The following P3H2 variants were observed in gnomAD, a reference collection of about 807,000 sequenced individuals.
P3H2 encodes the protein leprecan-like 1.
Under a neutral mutation model 87.0 loss-of-function variants are expected in P3H2, and 80 were observed. The ratio of observed to expected loss-of-function variants is 0.92; its 90% CI spans 0.77 to 1.11. The LOEUF is 1.11. Among genes scored for constraint, P3H2 ranks in the 50% least tolerant of loss-of-function variants. P3H2 has a pLI of 0.00. For synonymous variants in P3H2, 367 were observed against 359.3 expected, an observed-to-expected ratio of 1.02 and a Z score of -0.24; for missense variants, 1,001 against 923.9, an observed-to-expected ratio of 1.08 and a Z score of -1.08.
intron 1 of P3H2, among the ~76,000 whole-genome samples, chr3:190,118,137 G>T (rs189732134): frequency 1.3e-5 from 2 of 152,124 alleles, no homozygotes; most frequent in Non-Finnish European, 2.9e-5. Flanking sequence ...CCAGGGAACC[G>T]GAGGGGAAAT....
intron 1 of P3H2, among the ~76,000 whole-genome samples, chr3:190,057,091 A>C (rs1232373479): frequency 6.6e-6 from 1 of 152,186 alleles, no homozygotes; most frequent in Non-Finnish European, 1.5e-5. Flanking sequence ...AATGACTTGA[A>C]AAGGGGATGT....
chr3:190,050,112 G>C (rs1577296460), intron 1 of P3H2, among the ~76,000 whole-genome samples: 1 of 152,138 alleles, frequency 6.6e-6, no homozygotes, highest in South Asian at 2.1e-4. Flanking sequence ...TCCAGTCTCT[G>C]ATTAAATTTT....
At chr3:190,083,585 A>G (rs2108980966) in intron 1 of P3H2, among the ~76,000 whole-genome samples, 1 of 152,292 alleles carries the variant, frequency 6.6e-6, no homozygotes, top group African/African-American at 2.4e-5. Flanking sequence ...AAAATGTGTA[A>G]TTGTGGTGTA....
intron 1 of P3H2, among the ~76,000 whole-genome samples, chr3:190,083,640 T>C (rs1369005373): frequency 3.3e-5 from 5 of 152,236 alleles, no homozygotes; most frequent in Non-Finnish European, 7.3e-5. Context: ...ATAAAAGTTC[T>C]TTCTAAAATT....
intron 1 of P3H2, among the ~76,000 whole-genome samples, chr3:190,092,226 C>A (rs1727429909): frequency 8.6e-6 from 1 of 115,640 alleles, no homozygotes; most frequent in Non-Finnish European, 1.7e-5. Context: ...GAACGAGACT[C>A]CGTCAAAAAA....
At chr3:190,015,973 G>A (rs1322656270) in intron 1 of P3H2, among the ~76,000 whole-genome samples, 1 of 152,154 alleles carries the variant, frequency 6.6e-6, no homozygotes, top group Non-Finnish European at 1.5e-5. Context: ...GAGGGTGGGG[G>A]TGCTTGCATT....
chr3:190,114,189 A>AT (rs199617611), intron 1 of P3H2, among the ~76,000 whole-genome samples: 12,333 of 138,048 alleles, frequency 0.089, 790 homozygotes, highest in Admixed American at 0.15. Context: ...TATTATTATT[A>AT]TTTTTTTTTT....
intron 1 of P3H2, among the ~76,000 whole-genome samples, chr3:190,015,766 G>C (rs1027348979): frequency 6.6e-6 from 1 of 152,202 alleles, no homozygotes; most frequent in Non-Finnish European, 1.5e-5. Context: ...ACCAAGCTAA[G>C]GTTGAACCAG....
At chr3:189,978,037 G>A (rs1009960411) in intron 8 of P3H2, among the ~76,000 whole-genome samples, 2 of 152,156 alleles carry the variant, frequency 1.3e-5, no homozygotes, top group Admixed American at 1.3e-4. Flanking sequence ...CGAATATTTG[G>A]AAAAGTGAAC....
In P3H2 at chr3:190,101,368, CAAAAAAAA is replaced by C. The variant is rs34737545; in HGVS notation, c.480+18876_480+18883del. The stretch of plus-strand genomic sequence containing the variant: ...GCATCAGTTCACCAAATCATGAACG[CAAAAAAAA>C]AAAAAAAAAAAAAAAAAAGCGATTG... On this transcript the variant is annotated intron_variant, in intron 1 of 14. Coordinates refer to ENST00000319332, the MANE Select transcript of P3H2 (RefSeq NM_018192.4). 2.9e-4 allele frequency among the ~76,000 whole-genome samples: 7 copies of C among 23,954 alleles called. No individual in the cohort carries two copies. The South Asian group carries it at 9.4e-3, about 32-fold the overall frequency. 15.7% of individuals were successfully genotyped at this position (23,954 alleles called of 152,430 possible).
At chr3:190,062,285 T>C (rs1726354489) in intron 1 of P3H2, among the ~76,000 whole-genome samples, 1 of 152,126 alleles carries the variant, frequency 6.6e-6, no homozygotes, top group African/African-American at 2.4e-5. Flanking sequence ...TAATTACCTG[T>C]CTTTTGGCAT....
chr3:190,034,217 A>ACG lies in P3H2; in HGVS notation c.481-38776_481-38775insCG, dbSNP rs1560371455. Among the ~76,000 whole-genome samples the ACG allele has an allele frequency of 4.0e-5, 4 of 100,872 alleles. No homozygotes were observed. In the East Asian group the frequency reaches 9.3e-4, roughly 24 times the overall value. The allele number at this position is 100,872 out of a possible 152,430, so 66.2% of individuals were successfully genotyped here. ...AAAGGGATAGTTGAAATAATCACATATGAATAATTGTTCCTCATAAACTCT... is the reference window on the plus strand; with the variant it reads ...AAAGGGATAGTTGAAATAATCACATACGTGAATAATTGTTCCTCATAAACTCT... On this transcript the variant is annotated intron_variant, in intron 1 of 14. Coordinates refer to ENST00000319332, the MANE Select transcript of P3H2 (RefSeq NM_018192.4).
chr3:190,084,675 C>T (rs1025822581), intron 1 of P3H2, among the ~76,000 whole-genome samples: 1 of 152,132 alleles, frequency 6.6e-6, no homozygotes, highest in African/African-American at 2.4e-5. Context: ...TAAACCAACT[C>T]TGCGAAATGC....
At chr3:190,095,668 T>C (rs1034123716) in intron 1 of P3H2, among the ~76,000 whole-genome samples, 4 of 150,560 alleles carry the variant, frequency 2.7e-5, no homozygotes, top group Admixed American at 2.7e-4. Flanking sequence ...TGGCGTGATC[T>C]CGGCTCACTG....
chr3:190,117,652 T>G (rs1712343683), intron 1 of P3H2, among the ~76,000 whole-genome samples: 1 of 151,432 alleles, frequency 6.6e-6, no homozygotes, highest in Admixed American at 6.6e-5. Context: ...GAGGTTTTTT[T>G]TTTTTTTTTC....
chr3:190,083,480 A>C (rs1727117386), intron 1 of P3H2, among the ~76,000 whole-genome samples: 1 of 152,220 alleles, frequency 6.6e-6, no homozygotes. Context: ...AAAAGGATCA[A>C]ACCATTTTCA....
chr3:190,037,792 C>T (rs1434190674), intron 1 of P3H2, among the ~76,000 whole-genome samples: 2 of 95,734 alleles, frequency 2.1e-5, no homozygotes, highest in Non-Finnish European at 5.3e-5. Flanking sequence ...TGCAGACACT[C>T]AATATTTGTT....
intron 1 of P3H2, among the ~76,000 whole-genome samples, chr3:190,083,666 T>A (rs1181397236): frequency 1.3e-5 from 2 of 152,146 alleles, no homozygotes; most frequent in Non-Finnish European, 2.9e-5. Flanking sequence ...AGTATAAGAA[T>A]CCCCTAGTCA....
chr3:190,020,645 T>C (rs1269131848), intron 1 of P3H2, among the ~76,000 whole-genome samples: 6 of 133,684 alleles, frequency 4.5e-5, no homozygotes, highest in African/African-American at 1.3e-4. Flanking sequence ...CAAAGTTAAA[T>C]AGGGTCACAG....
Sources: gnomAD v4.1 joint callset for allele counts (sites outside exome capture counted in the v4.1 genomes callset) on GRCh38, gnomAD v4.1.1 for gene constraint, MANE v1.5 for transcripts, NCBI Gene and HGNC (gene_info 2026-07-23, HGNC 2026-07-21) for gene names.